The following ARG2 variants were observed in gnomAD, a reference collection of about 807,000 sequenced individuals.
The protein encoded by ARG2 is arginase 2.
In ARG2, 21 loss-of-function variants were observed where a neutral mutation model predicts 39.4. The ratio of observed to expected loss-of-function variants is 0.53; its 90% CI spans 0.38 to 0.77. ARG2 has a LOEUF of 0.77. Ranked by LOEUF, ARG2 falls within the 30% of genes least tolerant of loss-of-function variation. The pLI is 0.00. For missense variants in ARG2, 378 were observed against 426.2 expected (o/e 0.89, Z 1.00); for synonymous variants, 150 against 156.7 (o/e 0.96, Z 0.32).
In ARG2 at chr14:67,628,997, A is replaced by G. The variant is rs115088907; in HGVS notation, c.184+8031A>G. Among the ~76,000 whole-genome samples the G allele has an allele frequency of 1.5e-3, 235 of 152,320 alleles. 2 individuals are homozygous for G. The highest frequency in any genetic ancestry group is 5.4e-3 in the African/African-American group (223 of 41,562). ...AGTGTCCATTGATGGATGAATGGAC[A>G]ACCAAAATGTGGTACATACATATAA... On this transcript the variant is annotated intron_variant, in intron 2 of 7. Coordinates refer to ENST00000261783, the MANE Select transcript of ARG2 (RefSeq NM_001172.4).
chr14:67,642,793 CTTTTT>C (rs869215946), intron 3 of ARG2, among the ~76,000 whole-genome samples: 957 of 75,514 alleles, frequency 0.013, 6 homozygotes, highest in African/African-American at 0.039. Flanking sequence ...ACTACATTTT[CTTTTT>C]TTTTTTTTTT....
At chr14:67,620,122 T>C (rs1218150748) in intron 1 of ARG2, 34 bp downstream of exon 1, 1 of 1,476,882 alleles carries the variant, frequency 6.8e-7, no homozygotes, top group East Asian at 2.5e-5. Flanking sequence ...CCGGGCAGGA[T>C]CCTCCGCCCC....
intron 2 of ARG2, among the ~76,000 whole-genome samples, chr14:67,632,802 C>T (rs1038096709): frequency 1.4e-5 from 2 of 144,260 alleles, no homozygotes; most frequent in African/African-American, 5.1e-5. Context: ...AGAATTAAGC[C>T]TCTTAATTTT....
chr14:67,645,088 T>G (rs957751744), intron 3 of ARG2, among the ~76,000 whole-genome samples: 1 of 148,812 alleles, frequency 6.7e-6, no homozygotes, highest in African/African-American at 2.4e-5. Flanking sequence ...ATTAGGTCTT[T>G]AATGGTTTAC....
intron 2 of ARG2, among the ~76,000 whole-genome samples, chr14:67,631,486 A>G (rs1041997258): frequency 6.7e-5 from 9 of 133,592 alleles, no homozygotes; most frequent in Admixed American, 8.5e-5. Flanking sequence ...TCCAGGCTGG[A>G]GTACAGTGGT....
rs1243648109 is a variant in ARG2, at chr14:67,645,763, A to G, written c.483A>G (p.Gly161=). 6.2e-7 allele frequency: 1 copy of G among 1,614,064 alleles called. No homozygotes were observed. The highest frequency in any genetic ancestry group is 8.5e-7 in the Non-Finnish European group (1 of 1,179,950). The change falls in exon 4 of 8, where the codon GGA becomes GGG. Residue 161 remains glycine, a synonymous_variant. Coordinates refer to ENST00000261783, the MANE Select transcript of ARG2 (RefSeq NM_001172.4). Reference sequence around the variant, plus strand: ...CCACTTCATCAGGAAATCTCCATGGACAGCCAGTTTCATTTCTCCTCAGAG... The same window carrying G: ...CCACTTCATCAGGAAATCTCCATGGGCAGCCAGTTTCATTTCTCCTCAGAG... The part of the protein sequence containing the change: ...PLTTSSGNLH[G]QPVSFLLREL...
At chr14:67,647,194 G>A (rs2037112141) in intron 6 of ARG2, 169 bp downstream of exon 6, 1 of 514,666 alleles carries the variant, frequency 1.9e-6, no homozygotes, top group South Asian at 3.2e-5. Context: ...TCTTCCTCTG[G>A]GGTTTTTGGG....
intron 2 of ARG2, among the ~76,000 whole-genome samples, chr14:67,623,723 G>A (rs555072746): frequency 6.6e-6 from 1 of 152,066 alleles, no homozygotes; most frequent in East Asian, 1.9e-4. Context: ...TGTATTTTTA[G>A]TAGAGATGGG....
Position 67,645,709 on chromosome 14 carries a change from T to G in ARG2, c.429T>G (p.Asp143Glu). Residue 143 changes from aspartate (D) to glutamate (E), a missense_variant, in exon 4 of 8, where the codon GAT becomes GAG. Coordinates refer to ENST00000261783, the MANE Select transcript of ARG2 (RefSeq NM_001172.4). ...CAGACCTTTGTGTTGTCTGGGTTGA[T>G]GCCCATGCTGACATCAACACACCCC... ...HCPDLCVVWV[D>E]AHADINTPLT... 4.3e-6 allele frequency: 7 copies of G among 1,614,076 alleles called. No homozygotes were observed. Among genetic ancestry groups the G allele is most frequent in the Non-Finnish European group, 5.9e-6 (7 of 1,179,958 alleles).
intron 2 of ARG2, among the ~76,000 whole-genome samples, chr14:67,630,872 C>T (rs1469878833): frequency 5.3e-5 from 8 of 152,214 alleles, no homozygotes; most frequent in African/African-American, 1.4e-4. Context: ...TGTGAGCCAC[C>T]GTGCCCCGCC....
At chr14:67,643,522 G>A (rs2037058922) in intron 3 of ARG2, among the ~76,000 whole-genome samples, 1 of 152,196 alleles carries the variant, frequency 6.6e-6, no homozygotes, top group Non-Finnish European at 1.5e-5. Context: ...TGTAGGGACA[G>A]ATATATAAGA....
Position 67,650,838 on chromosome 14 carries a change from A to G in ARG2, c.983A>G (p.Glu328Gly). ...GCTTCAAGCTTTGGTCAGACAAGAGAAGGAGGGCATATTGTCTATGACCAA... is the reference window on the plus strand; with the variant it reads ...GCTTCAAGCTTTGGTCAGACAAGAGGAGGAGGGCATATTGTCTATGACCAA... ...VIASSFGQTR[E>G]GGHIVYDQLP... is the part of the protein sequence containing the mutation. Residue 328 changes from glutamate (E) to glycine (G), a missense_variant, in exon 8 of 8, where the codon GAA becomes GGA. Physicochemically the swap from Glu to Gly is moderately conservative, Grantham distance 98. Transcript: ENST00000261783. 6.2e-7 allele frequency: 1 copy of G among 1,614,126 alleles called. No homozygotes were observed. Among genetic ancestry groups the G allele is most frequent in the Non-Finnish European group, 8.5e-7 (1 of 1,179,982 alleles).
In ARG2 at chr14:67,651,229, G is replaced by T; in HGVS notation, c.*309G>T. The T allele has an allele frequency of 1.4e-6, 2 of 1,441,308 alleles. No homozygotes were observed. The highest frequency in any genetic ancestry group is 2.8e-5 in the African/African-American group (2 of 70,344). The allele number at this position is 1,441,308 out of a possible 1,614,324, so 89.3% of individuals were successfully genotyped here. A position where few individuals can be genotyped will look rare whatever the true frequency, so the allele number is the denominator to read the frequency against. Reference sequence around the variant, plus strand: ...GCTGTTGTTCCTTCACATTTAAGTGGTTTTTCATCTTTCCTCCCTCCTCCC... The same window carrying T: ...GCTGTTGTTCCTTCACATTTAAGTGTTTTTTCATCTTTCCTCCCTCCTCCC... On this transcript the variant is annotated 3_prime_UTR_variant, in exon 8 of 8. Coordinates refer to ENST00000261783, the MANE Select transcript of ARG2 (RefSeq NM_001172.4).
chr14:67,623,965 T>G (rs1478962369), intron 2 of ARG2, among the ~76,000 whole-genome samples: 1 of 152,136 alleles, frequency 6.6e-6, no homozygotes, highest in Non-Finnish European at 1.5e-5. Flanking sequence ...TTTAGCCTCT[T>G]GAGTAGCTGG....
chr14:67,630,829 T>C (rs1236484851), intron 2 of ARG2, among the ~76,000 whole-genome samples: 1 of 152,184 alleles, frequency 6.6e-6, no homozygotes, highest in African/African-American at 2.4e-5. Flanking sequence ...GTGATCCACC[T>C]GCCTTGGCCT....
At chr14:67,646,607 A>G in intron 4 of ARG2, 37 bp from the exon 5 acceptor site, 2 of 1,508,644 alleles carry the variant, frequency 1.3e-6, no homozygotes. Context: ...GAGAACAAGA[A>G]TTCTTGATTA....
At chr14:67,647,716 T>G in intron 6 of ARG2, 1 of 204,438 alleles carries the variant, frequency 4.9e-6, no homozygotes, top group Non-Finnish European at 9.8e-6. Flanking sequence ...GAGCCCAATC[T>G]CATCTAGAAG....
chr14:67,647,964 G>C, intron 6 of ARG2, 83 bp from the exon 7 acceptor site: 1 of 1,351,380 alleles, frequency 7.4e-7, no homozygotes, highest in South Asian at 1.3e-5. Flanking sequence ...AAATCAAGGA[G>C]TTGCAACCAT....
intron 2 of ARG2, among the ~76,000 whole-genome samples, 168 bp downstream of exon 2, chr14:67,621,134 G>T (rs2036806177): frequency 6.6e-6 from 1 of 152,180 alleles, no homozygotes; most frequent in African/African-American, 2.4e-5. Context: ...AGTCATCAGG[G>T]AAAGTCTTCT....
Sources: allele counts gnomAD v4.1 joint callset (sites outside exome capture counted in the v4.1 genomes callset), GRCh38; gene constraint gnomAD v4.1.1; transcripts MANE v1.5; gene names NCBI Gene and HGNC (gene_info 2026-07-23, HGNC 2026-07-21).